Variants in DCC observed in about 807,000 individuals in gnomAD.
The protein encoded by DCC is netrin receptor DCC.
Under a neutral mutation model 172.5 loss-of-function variants are expected in DCC, and 58 were observed. The ratio of observed to expected loss-of-function variants is 0.34; its 90% CI spans 0.27 to 0.42. The LOEUF (loss-of-function observed/expected upper bound fraction) is 0.42, where lower values mean the gene tolerates loss of function less well. DCC is among the 10% of genes least tolerant of loss of function. The pLI, the probability that DCC is intolerant of heterozygous loss-of-function variation, is 1.00. For missense variants in DCC, 1,740 were observed against 1,791.0 expected, an observed-to-expected ratio of 0.97 and a Z score of 0.51; for synonymous variants, 709 against 644.5, an observed-to-expected ratio of 1.10 and a Z score of -1.52.
chr18:52,812,378 T>C (rs1568119759), intron 2 of DCC, among the ~76,000 whole-genome samples: 3 of 152,200 alleles, frequency 2.0e-5, no homozygotes, highest in Non-Finnish European at 4.4e-5. Flanking sequence ...ACAAGTTAAT[T>C]GTGATTTCAG....
intron 15 of DCC, among the ~76,000 whole-genome samples, chr18:53,383,262 G>C (rs1365915346): frequency 6.6e-6 from 1 of 151,954 alleles, no homozygotes; most frequent in East Asian, 1.9e-4. Context: ...CTGTAAAACA[G>C]CAATATTTTA....
intron 26 of DCC, among the ~76,000 whole-genome samples, chr18:53,494,428 A>C (rs912745737): frequency 6.6e-6 from 1 of 152,162 alleles, no homozygotes; most frequent in East Asian, 1.9e-4. Flanking sequence ...GTCACCCACT[A>C]TTATTGTGTG....
At position 52,925,304 on chromosome 18, in the gene DCC, A is replaced by C. The variant is rs2040184353; in HGVS notation, c.919A>C (p.Met307Leu). ...ISNVTDDDSG[M>L]YTCVVTYKNE... ...CAATGTGACAGATGATGACAGTGGA[A>C]TGTATACCTGTGTTGTCACATATAA... The change falls in exon 5 of 29, where the codon ATG (methionine) becomes CTG (leucine). Residue 307 changes from methionine (M) to leucine (L), a missense_variant. Met to Leu is a conservative substitution (Grantham distance 15). Transcript: ENST00000442544. The C allele has an allele frequency of 6.2e-7, 1 of 1,612,380 alleles. No individual in the cohort carries two copies. Among genetic ancestry groups the C allele is most frequent in the Non-Finnish European group, 8.5e-7 (1 of 1,178,608 alleles).
rs115356388 is a variant in DCC at position 52,536,702 on chromosome 18, A to G, written c.91+195824A>G. 3.3e-3 allele frequency among the ~76,000 whole-genome samples: 495 copies of G among 152,224 alleles called. 3 individuals carry two copies. Among genetic ancestry groups the G allele is most frequent in the African/African-American group, 0.011 (477 of 41,560 alleles). Reference sequence around the variant, plus strand: ...TTTGGCAAAACCCCAAATTCCATCTATCCCCTAGGACATGTCGCCCTTTTC... The same window carrying G: ...TTTGGCAAAACCCCAAATTCCATCTGTCCCCTAGGACATGTCGCCCTTTTC... On this transcript the variant is annotated intron_variant, in intron 1 of 28. Coordinates refer to ENST00000442544, the MANE Select transcript of DCC (RefSeq NM_005215.4).
intron 15 of DCC, among the ~76,000 whole-genome samples, chr18:53,355,316 C>A (rs1005366696): frequency 6.6e-6 from 1 of 151,764 alleles, no homozygotes; most frequent in Non-Finnish European, 1.5e-5. Flanking sequence ...TGAAAAAAGT[C>A]ATTGGTAGCT....
rs566367956 is a variant in DCC, at chr18:53,010,810, G to A, written c.986-52495G>A. Among the ~76,000 whole-genome samples, 88 of 150,906 alleles carry A rather than the reference G, an allele frequency of 5.8e-4. No individual in the cohort carries two copies. The South Asian group carries it at 0.018, about 30-fold the overall frequency. The stretch of plus-strand genomic sequence containing the variant: ...CACTGTAAGTAAGAAATATAAAAAA[G>A]TAAATAAAGACTTAGAAATTCAGTA... On this transcript the variant is annotated intron_variant, in intron 5 of 28. Coordinates refer to ENST00000442544, the MANE Select transcript of DCC (RefSeq NM_005215.4).
At chr18:53,198,026 A>C (rs1217828614) in intron 9 of DCC, among the ~76,000 whole-genome samples, 1 of 152,162 alleles carries the variant, frequency 6.6e-6, no homozygotes, top group Admixed American at 6.5e-5. Flanking sequence ...CTATTTCACA[A>C]ACACATTTTA....
chr18:52,920,013 C>T (rs2145478953), intron 3 of DCC, among the ~76,000 whole-genome samples: 1 of 123,852 alleles, frequency 8.1e-6, no homozygotes, highest in African/African-American at 3.1e-5. Context: ...AATAGAATGT[C>T]CATATACAAA....
intron 11 of DCC, among the ~76,000 whole-genome samples, chr18:53,213,942 C>G (rs1246355965): frequency 6.6e-6 from 1 of 151,384 alleles, no homozygotes; most frequent in Non-Finnish European, 1.5e-5. Context: ...AATATGGAAC[C>G]ATTTTTATTA....
intron 2 of DCC, among the ~76,000 whole-genome samples, chr18:52,858,669 A>T (rs1048328676): frequency 1.3e-5 from 2 of 152,212 alleles, no homozygotes; most frequent in African/African-American, 4.8e-5. Flanking sequence ...CCATGTGGAA[A>T]ACCATGCTGG....
intron 3 of DCC, among the ~76,000 whole-genome samples, chr18:52,921,027 C>A (rs898480304): frequency 3.3e-5 from 5 of 151,972 alleles, no homozygotes; most frequent in Non-Finnish European, 7.4e-5. Flanking sequence ...GTAGGGATGG[C>A]AGGAGTGTAA....
chr18:53,248,660 A>G (rs2144653044), intron 12 of DCC, among the ~76,000 whole-genome samples: 1 of 152,148 alleles, frequency 6.6e-6, no homozygotes, highest in Middle Eastern at 3.4e-3. Context: ...CATTCAGCCA[A>G]TTAAACACTT....
At chr18:52,737,014 C>A (rs568058591) in intron 1 of DCC, among the ~76,000 whole-genome samples, 6 of 152,256 alleles carry the variant, frequency 3.9e-5, no homozygotes, top group East Asian at 3.9e-4. Flanking sequence ...TATTTCATGA[C>A]AACACTTGAA....
chr18:53,277,402 C>T (rs1306851079), intron 12 of DCC, among the ~76,000 whole-genome samples: 1 of 152,182 alleles, frequency 6.6e-6, no homozygotes, highest in Non-Finnish European at 1.5e-5. Flanking sequence ...ACCACATTTG[C>T]TTGCCAAATG....
chr18:53,426,470 A>G (rs1007988648), intron 21 of DCC, among the ~76,000 whole-genome samples: 8 of 144,786 alleles, frequency 5.5e-5, no homozygotes, highest in African/African-American at 7.5e-5. Flanking sequence ...TATTTATTAT[A>G]TATATTTTTA....
chr18:52,676,459 G>T (rs1275134306), intron 1 of DCC, among the ~76,000 whole-genome samples: 5 of 152,118 alleles, frequency 3.3e-5, no homozygotes, highest in African/African-American at 4.8e-5. Context: ...ACATGTAAAT[G>T]ATGTAAATGA....
chr18:52,768,029 A>G (rs1344155626), intron 2 of DCC, among the ~76,000 whole-genome samples: 1 of 152,216 alleles, frequency 6.6e-6, no homozygotes, highest in Non-Finnish European at 1.5e-5. Flanking sequence ...TTGGAGGAGG[A>G]AAGCAATTTG....
At chr18:52,537,503 A>C (rs2032320204) in intron 1 of DCC, among the ~76,000 whole-genome samples, 2 of 152,160 alleles carry the variant, frequency 1.3e-5, no homozygotes, top group Admixed American at 1.3e-4. Flanking sequence ...AGTTAGCTGA[A>C]ATCCTCCTGG....
intron 3 of DCC, among the ~76,000 whole-genome samples, chr18:52,916,135 A>G (rs1318348263): frequency 1.3e-5 from 2 of 152,124 alleles, no homozygotes; most frequent in Admixed American, 1.3e-4. Context: ...ATACATACGC[A>G]AAAATAAAAG....
Sources: gnomAD v4.1 joint callset for allele counts (sites outside exome capture counted in the v4.1 genomes callset) on GRCh38, gnomAD v4.1.1 for gene constraint, MANE v1.5 for transcripts, NCBI Gene and HGNC (gene_info 2026-07-23, HGNC 2026-07-21) for gene names.